The following BTNL3 variants were observed in gnomAD, a reference collection of about 807,000 sequenced individuals.
The protein encoded by BTNL3 is butyrophilin-like protein 3.
A neutral mutation model predicts 40.1 loss-of-function variants in BTNL3; 20 were observed. The ratio of observed to expected loss-of-function variants is 0.50; its 90% CI spans 0.35 to 0.72. The LOEUF is 0.72. Ranked by LOEUF, BTNL3 falls within the 30% of genes least tolerant of loss-of-function variation. BTNL3 has a pLI of 0.01. For missense variants in BTNL3, 449 were observed against 582.2 expected (o/e 0.77, Z 2.35); for synonymous variants, 179 against 222.1 (o/e 0.81, Z 1.73).
At chr5:181,003,998 A>G (rs772427875) in intron 5 of BTNL3, 122 bp downstream of exon 5, 65 of 1,509,004 alleles carry the variant, frequency 4.3e-5, no homozygotes, top group Non-Finnish European at 3.6e-5. Flanking sequence ...GGTGGAGGGG[A>G]GCAGCTGCTC....
Position 181,004,724 on chromosome 5 carries a change from G to A in BTNL3, c.836-12G>A, listed in dbSNP as rs1284834976. ...GAGCACGGAACTGCCTGCTCTCTCT[G>A]CTTGCTTTCAGAATTGAGAGACGCC... On this transcript the variant is annotated splice_polypyrimidine_tract_variant and intron_variant, in intron 6 of 7. Coordinates refer to ENST00000342868, the MANE Select transcript of BTNL3 (RefSeq NM_197975.3). 3 of 1,614,164 alleles carry A rather than the reference G, an allele frequency of 1.9e-6. No individual in the cohort carries two copies. Among genetic ancestry groups the A allele is most frequent in the East Asian group, 4.5e-5 (2 of 44,878 alleles).
chr5:180,991,189 A>G (rs1386159399), intron 1 of BTNL3, among the ~76,000 whole-genome samples: 1 of 137,578 alleles, frequency 7.3e-6, no homozygotes, highest in Non-Finnish European at 1.7e-5. Flanking sequence ...GTCTGACACC[A>G]GGCTGCAAAG....
intron 3 of BTNL3, among the ~76,000 whole-genome samples, chr5:181,002,343 TAGAC>T (rs1760123865): frequency 1.4e-5 from 1 of 72,554 alleles, no homozygotes. Flanking sequence ...TCATTAGACA[TAGAC>T]ACACACACAC....
intron 3 of BTNL3, 131 bp downstream of exon 3, chr5:180,997,619 G>A: frequency 7.8e-7 from 1 of 1,278,880 alleles, no homozygotes; most frequent in South Asian, 1.3e-5. Flanking sequence ...GTCAAAGATT[G>A]ATGAGGTATA....
chr5:181,000,511 A>C (rs1760091988), intron 3 of BTNL3, among the ~76,000 whole-genome samples: 1 of 137,366 alleles, frequency 7.3e-6, no homozygotes, highest in South Asian at 2.1e-4. Context: ...TGTGTCATTT[A>C]AAATCATAAC....
rs557280589 is a variant in BTNL3 at position 180,998,611 on chromosome 5, G to A, written c.673+1123G>A. Among the ~76,000 whole-genome samples, 10 of 136,794 alleles carry A rather than the reference G, an allele frequency of 7.3e-5. 1 individual carries two copies. The South Asian group carries it at 1.9e-3, about 26-fold the overall frequency. 89.7% of individuals were successfully genotyped at this position (136,794 alleles called of 152,430 possible). ...GGTTTTAAGAAAATTTTCAGACATA[G>A]ATATCATGCACATGAAATTCTCTAA... On this transcript the variant is annotated intron_variant, in intron 3 of 7. Transcript: ENST00000342868.
Position 180,992,867 on chromosome 5 carries a change from A to G in BTNL3, c.104A>G (p.Asp35Gly), listed in dbSNP as rs955857825. The change falls in exon 2 of 8, where the codon GAC becomes GGC. Residue 35 changes from aspartate to glycine, a missense_variant. Transcript: ENST00000342868. The stretch of plus-strand genomic sequence containing the variant: ...TTTGTCCAGGCCTTGGTGGGGGAGG[A>G]CGCCGTGTTCTCCTGCTCCCTCTTT... ...GKFVQALVGE[D>G]AVFSCSLFPE... The G allele has an allele frequency of 2.7e-6, 4 of 1,462,020 alleles. 1 individual carries two copies. The allele number at this position is 1,462,020 out of a possible 1,614,324, so 90.6% of individuals were successfully genotyped here. A position where few individuals can be genotyped will look rare whatever the true frequency, so the allele number is the denominator to read the frequency against.
chr5:181,003,804 T>G, intron 4 of BTNL3, 52 bp from the exon 5 acceptor site: 1 of 1,614,052 alleles, frequency 6.2e-7, no homozygotes, highest in Non-Finnish European at 8.5e-7. Flanking sequence ...GCGTCGTGTT[T>G]GTACCTTGCA....
chr5:181,001,537 G>A (rs1398652154), intron 3 of BTNL3, among the ~76,000 whole-genome samples: 1 of 131,282 alleles, frequency 7.6e-6, no homozygotes, highest in Non-Finnish European at 1.7e-5. Context: ...GACTGGTCTC[G>A]AACTCCTGTC....
rs1012086312 is a variant in BTNL3 at position 180,989,183 on chromosome 5, T to C, written c.49+106T>C. 21 of 1,238,496 alleles carry C rather than the reference T, an allele frequency of 1.7e-5. 2 individuals are homozygous for C. The African/African-American group carries it at 2.7e-4, about 16-fold the overall frequency. The allele number at this position is 1,238,496 out of a possible 1,614,324, so 76.7% of individuals were successfully genotyped here. A position where few individuals can be genotyped will look rare whatever the true frequency, so the allele number is the denominator to read the frequency against. ...AGTGAGATGCAGGAATCTTTGGTGC[T>C]TGCATTCTCCAGCTTCTCCTGGCCT... On this transcript the variant is annotated intron_variant, in intron 1 of 7. Coordinates refer to ENST00000342868, the MANE Select transcript of BTNL3 (RefSeq NM_197975.3).
intron 7 of BTNL3, 70 bp from the exon 8 acceptor site, chr5:181,005,264 C>T (rs567392517): frequency 1.8e-5 from 29 of 1,590,070 alleles, no homozygotes; most frequent in African/African-American, 1.2e-4. Context: ...GTGGGAGGGT[C>T]GACCTCTTGC....
intron 3 of BTNL3, among the ~76,000 whole-genome samples, chr5:180,999,835 A>C (rs1328643875): frequency 7.3e-6 from 1 of 136,328 alleles, no homozygotes; most frequent in Non-Finnish European, 1.7e-5. Context: ...CGTAAAATAC[A>C]AAATCCGAAG....
chr5:181,002,658 G>A lies in BTNL3; in HGVS notation c.674-14G>A. 6.9e-7 allele frequency: 1 copy of A among 1,452,334 alleles called. No homozygotes were observed. Among genetic ancestry groups the A allele is most frequent in the Non-Finnish European group, 9.5e-7 (1 of 1,053,336 alleles). The allele number at this position is 1,452,334 out of a possible 1,614,324, so 90.0% of individuals were successfully genotyped here. On this transcript the variant is annotated splice_polypyrimidine_tract_variant and intron_variant, in intron 3 of 7. Coordinates refer to ENST00000342868, the MANE Select transcript of BTNL3 (RefSeq NM_197975.3). Reference sequence around the variant, plus strand: ...GCTTAGCTATCACTAAGGGTCTGTGGGACTGTTTTTCAGAGACGTTTTTCC... The same window carrying A: ...GCTTAGCTATCACTAAGGGTCTGTGAGACTGTTTTTCAGAGACGTTTTTCC...
In BTNL3 at chr5:180,993,491, T is replaced by G. The variant is rs553036083; in HGVS notation, c.397+331T>G. Among the ~76,000 whole-genome samples the G allele has an allele frequency of 4.6e-4, 63 of 137,484 alleles. 12 individuals carry two copies. The Middle Eastern group carries it at 0.018, about 39-fold the overall frequency. 90.2% of individuals were successfully genotyped at this position (137,484 alleles called of 152,430 possible). A position where few individuals can be genotyped will look rare whatever the true frequency, so the allele number is the denominator to read the frequency against. On this transcript the variant is annotated intron_variant, in intron 2 of 7. Transcript: ENST00000342868. The stretch of plus-strand genomic sequence containing the variant: ...ATTTTCTTCTTTTTTCTTGACTTCT[T>G]GTGTGTTACTAAACTTTTTTTAGGA...
chr5:180,999,059 G>C (rs1030756361), intron 3 of BTNL3, among the ~76,000 whole-genome samples: 1 of 136,178 alleles, frequency 7.3e-6, no homozygotes, highest in Non-Finnish European at 1.7e-5. Flanking sequence ...CCCGGGAGGC[G>C]GAGGTTGCGG....
Position 181,002,750 on chromosome 5 carries a change from T to C in BTNL3, c.752T>C (p.Val251Ala). The C allele has an allele frequency of 6.9e-7, 1 of 1,455,584 alleles. No individual in the cohort carries two copies. The highest frequency in any genetic ancestry group is 9.5e-7 in the Non-Finnish European group (1 of 1,054,860). The allele number at this position is 1,455,584 out of a possible 1,614,324, so 90.2% of individuals were successfully genotyped here. A position where few individuals can be genotyped will look rare whatever the true frequency, so the allele number is the denominator to read the frequency against. Reference sequence around the variant, plus strand: ...CTCTGTGGTGCCCTGTGTGGTGTTGTCATGGGGATGATAATTGTTTTCTTC... The same window carrying C: ...CTCTGTGGTGCCCTGTGTGGTGTTGCCATGGGGATGATAATTGTTTTCTTC... Reference protein sequence around the residue: ...GLLCGALCGVVMGMIIVFFKS... With the variant: ...GLLCGALCGVAMGMIIVFFKS... The change falls in exon 4 of 8, where the codon GTC (valine) becomes GCC (alanine). Residue 251 changes from valine to alanine, a missense_variant. Physicochemically the swap from Val to Ala is moderately conservative, Grantham distance 64. Around this residue, in one of 2 missense-constraint regions of BTNL3, gnomAD observed 323 missense variants for 464.9 expected, o/e 0.69. Coordinates refer to ENST00000342868, the MANE Select transcript of BTNL3 (RefSeq NM_197975.3).
intron 3 of BTNL3, among the ~76,000 whole-genome samples, chr5:180,998,663 A>G (rs1760065536): frequency 7.3e-6 from 1 of 137,554 alleles, no homozygotes; most frequent in African/African-American, 2.5e-5. Context: ...TCAAATGACC[A>G]CAGCAAAAGA....
chr5:180,997,380 T>C lies in BTNL3; in HGVS notation c.565T>C (p.Tyr189His). ...SRANADGYSL[Y>H]DVEISIIVQE... is the part of the protein sequence containing the mutation. ...AGCAAATGCAGATGGGTACAGCCTG[T>C]ATGATGTGGAGATCTCCATTATAGT... The change falls in exon 3 of 8, where the codon TAT becomes CAT. Residue 189 changes from tyrosine (Y) to histidine (H), a missense_variant. This residue lies in a region of BTNL3 where 323 missense variants were observed against 464.9 expected (regional missense o/e 0.69). Transcript: ENST00000342868. The C allele has an allele frequency of 6.8e-7, 1 of 1,463,878 alleles. No homozygotes were observed. Among genetic ancestry groups the C allele is most frequent in the Non-Finnish European group, 9.4e-7 (1 of 1,059,098 alleles). The allele number at this position is 1,463,878 out of a possible 1,614,324, so 90.7% of individuals were successfully genotyped here. A position where few individuals can be genotyped will look rare whatever the true frequency, so the allele number is the denominator to read the frequency against.
rs372463889 is a variant in BTNL3 at position 180,994,461 on chromosome 5, G to A, written c.397+1301G>A. 1.4e-4 allele frequency among the ~76,000 whole-genome samples: 19 copies of A among 136,688 alleles called. 5 individuals carry two copies. The East Asian group carries it at 3.9e-3, about 28-fold the overall frequency. 89.7% of individuals were successfully genotyped at this position (136,688 alleles called of 152,430 possible). On this transcript the variant is annotated intron_variant, in intron 2 of 7. Transcript: ENST00000342868. ...TCTCACGAAAAATCTGCTGTCATTG[G>A]TGTTTTCTTTATTTTCAGAAATTTA... is the stretch of plus-strand genomic sequence containing the variant.
Sources: allele counts gnomAD v4.1 joint callset (sites outside exome capture counted in the v4.1 genomes callset), GRCh38; gene constraint gnomAD v4.1.1; regional missense constraint gnomAD v4.1.1; transcripts MANE v1.5; gene names NCBI Gene and HGNC (gene_info 2026-07-23, HGNC 2026-07-21).